NID2: variants seen among roughly 807,000 people sequenced by gnomAD.
The protein encoded by NID2 is nidogen 2, also known as nidogen-2.
A neutral mutation model predicts 145.4 loss-of-function variants in NID2; 83 were observed. The ratio of observed to expected loss-of-function variants is 0.57; its 90% CI spans 0.48 to 0.69. NID2 has a LOEUF of 0.69. Among genes scored for constraint, NID2 ranks in the 30% least tolerant of loss-of-function variants. The probability of loss-of-function intolerance (pLI) is 0.00; values close to 1 mark genes in which losing one functional copy is unlikely to be tolerated. For missense variants in NID2, 1,807 were observed against 1,765.7 expected (o/e 1.02, Z -0.42); for synonymous variants, 739 against 701.3 (o/e 1.05, Z -0.85).
At chr14:52,006,000 ACCATTGCTCTAAAT>A (rs1320416126) in intron 20 of NID2, 151 bp from the exon 21 acceptor site, 16 of 627,520 alleles carry the variant, frequency 2.5e-5, no homozygotes, top group South Asian at 1.1e-4. Context: ...AAGTTTGAAG[ACCATTGCTCTAAAT>A]CCATTGCTCA....
chr14:52,010,590 T>TA, intron 18 of NID2: 1 of 274,984 alleles, frequency 3.6e-6, no homozygotes, highest in East Asian at 7.0e-5. Flanking sequence ...AGAGTAGCCC[T>TA]AGTTCTCACA....
At chr14:52,028,914 A>G in intron 10 of NID2, 64 bp from the exon 11 acceptor site, 1 of 1,551,164 alleles carries the variant, frequency 6.4e-7, no homozygotes, top group African/African-American at 1.4e-5. Flanking sequence ...GGAGGGTCTA[A>G]AAACTCAATG....
At position 52,005,800 on chromosome 14, in the gene NID2, A is replaced by G; in HGVS notation, c.4054T>C (p.Tyr1352His). The G allele has an allele frequency of 6.2e-7, 1 of 1,613,882 alleles. No homozygotes were observed. Among genetic ancestry groups the G allele is most frequent in the Non-Finnish European group, 8.5e-7 (1 of 1,179,792 alleles). Residue 1352 changes from tyrosine (Y) to histidine (H), a missense_variant, in exon 21 of 22, where the codon TAT (tyrosine) becomes CAT (histidine). Physicochemically the swap from Tyr to His is moderately conservative, Grantham distance 83 (BLOSUM62 2). Transcript: ENST00000216286. ...NKHSGQFTDE[Y>H]LPEQRSHLYG... The stretch of plus-strand genomic sequence containing the variant: ...AGGTGAGATCGTTGTTCTGGGAGAT[A>G]CTCATCAGTAAACTGGCCACTATGT...
rs1223263275 is a variant in NID2, at chr14:52,022,491, T to C, written c.2675-2313A>G. The stretch of plus-strand genomic sequence containing the variant: ...CAAGAGAGAAAACATGGAAAGACTT[T>C]CAGCCCCCTGGCAAGGGAGGAACTT... On this transcript the variant is annotated intron_variant, in intron 12 of 21. Transcript: ENST00000216286. Among the ~76,000 whole-genome samples, 7 of 152,138 alleles carry C rather than the reference T, an allele frequency of 4.6e-5. No homozygotes were observed. The East Asian group carries it at 1.4e-3, about 29-fold the overall frequency.
intron 9 of NID2, among the ~76,000 whole-genome samples, chr14:52,035,877 T>TATATATATATAC: frequency 7.0e-6 from 1 of 142,256 alleles, no homozygotes; most frequent in South Asian, 2.2e-4. Context: ...TATATATATA[T>TATATATATATAC]ATGTTTTATT....
intron 9 of NID2, among the ~76,000 whole-genome samples, chr14:52,032,070 C>G (rs1387260069): frequency 1.3e-5 from 2 of 152,226 alleles, no homozygotes; most frequent in Non-Finnish European, 2.9e-5. Flanking sequence ...CCCTACTGCC[C>G]ACGTTATGGC....
At chr14:52,049,455 G>T (rs2749884) in intron 5 of NID2, among the ~76,000 whole-genome samples, 1 of 36,462 alleles carries the variant, frequency 2.7e-5, no homozygotes. Flanking sequence ...GCCAGACACA[G>T]GGGAGGTTCC....
intron 11 of NID2, among the ~76,000 whole-genome samples, chr14:52,028,170 G>C (rs1891657645): frequency 6.6e-6 from 1 of 152,152 alleles, no homozygotes; most frequent in Admixed American, 6.5e-5. Flanking sequence ...TCCCAACTGA[G>C]GTGGGCATCC....
chr14:52,026,980 T>C (rs1566752405), intron 12 of NID2, among the ~76,000 whole-genome samples: 1 of 152,232 alleles, frequency 6.6e-6, no homozygotes, highest in African/African-American at 2.4e-5. Flanking sequence ...CAGGAACGTC[T>C]CCGCCAAGGA....
chr14:52,050,660 T>C (rs538800148), intron 5 of NID2, among the ~76,000 whole-genome samples: 93 of 152,324 alleles, frequency 6.1e-4, no homozygotes, highest in Admixed American at 2.4e-3. Context: ...GCTCAGGCTA[T>C]GCAGTGGTAC....
chr14:52,066,377 G>T (rs1435103299), intron 2 of NID2, among the ~76,000 whole-genome samples: 2 of 151,866 alleles, frequency 1.3e-5, no homozygotes, highest in Non-Finnish European at 2.9e-5. Context: ...GCACAACAGG[G>T]TGACTATAAC....
Position 52,015,254 on chromosome 14 carries a change from G to C in NID2, c.3050C>G (p.Thr1017Ser). The C allele has an allele frequency of 1.9e-6, 3 of 1,611,924 alleles. No individual in the cohort carries two copies. The highest frequency in any genetic ancestry group is 4.5e-5 in the East Asian group (2 of 44,802). The change falls in exon 15 of 22, where the codon ACC (threonine) becomes AGC (serine). Residue 1017 changes from threonine to serine, a missense_variant. Transcript: ENST00000216286. The stretch of plus-strand genomic sequence containing the variant: ...GTTTTCCCTCCAGCGCTCACAGATG[G>C]TCGGGGGCCTCTGGGTGGGCTCTGA... ...PSPEPTQRPP[T>S]ICERWRENLL...
chr14:52,030,572 G>GAAAAAAAAGA (rs1566755659), intron 9 of NID2, among the ~76,000 whole-genome samples: 5 of 73,486 alleles, frequency 6.8e-5, no homozygotes, highest in African/African-American at 2.7e-4. Context: ...AAGAAAGGAA[G>GAAAAAAAAGA]GAAGGGAAAG....
In NID2 at chr14:52,005,449, G is replaced by T; in HGVS notation, c.*37C>A. 2 of 1,561,818 alleles carry T rather than the reference G, an allele frequency of 1.3e-6. No individual in the cohort carries two copies. Among genetic ancestry groups the T allele is most frequent in the Non-Finnish European group, 1.7e-6 (2 of 1,158,136 alleles). On this transcript the variant is annotated 3_prime_UTR_variant, in exon 22 of 22. Transcript: ENST00000216286. The stretch of plus-strand genomic sequence containing the variant: ...CACTGTTCTTTAGGGTCCAGGTTCT[G>T]ATTGTAAACTCCAAGTCTTCCTTTA...
chr14:52,028,699 A>G lies in NID2; in HGVS notation c.2530+23T>C, dbSNP rs200780808. ...TTAAAGAGCACCATTTTGGCCACAC[A>G]GGAAAATGATTTTGGAACTCACAGA... On this transcript the variant is annotated intron_variant, in intron 11 of 21. Transcript: ENST00000216286. The G allele has an allele frequency of 9.9e-6, 16 of 1,608,280 alleles. No individual in the cohort carries two copies. The African/African-American group carries it at 2.1e-4, about 22-fold the overall frequency.
At chr14:52,048,385 C>G (rs1183647092) in intron 5 of NID2, among the ~76,000 whole-genome samples, 1 of 152,180 alleles carries the variant, frequency 6.6e-6, no homozygotes, top group Non-Finnish European at 1.5e-5. Flanking sequence ...GACCTCCGGC[C>G]AACGTGACTG....
At chr14:52,014,154 G>A (rs1566743681) in intron 16 of NID2, 133 bp downstream of exon 16, 2 of 1,149,380 alleles carry the variant, frequency 1.7e-6, no homozygotes, top group Non-Finnish European at 2.6e-6. Flanking sequence ...TCGGGCCCAT[G>A]CCGATGGGCT....
In NID2 at chr14:52,012,605, A is replaced by G. The variant is rs74641066; in HGVS notation, c.3421-922T>C. Reference sequence around the variant, plus strand: ...ACAGAGCTACACCCTGTCTCAAAAGAAGGAAAAAATCTAATTTATTGGGTT... The same window carrying G: ...ACAGAGCTACACCCTGTCTCAAAAGGAGGAAAAAATCTAATTTATTGGGTT... On this transcript the variant is annotated intron_variant, in intron 16 of 21. Coordinates refer to ENST00000216286, the MANE Select transcript of NID2 (RefSeq NM_007361.4). Among the ~76,000 whole-genome samples the G allele has an allele frequency of 4.5e-3, 689 of 152,262 alleles. 6 individuals carry two copies. Among genetic ancestry groups the G allele is most frequent in the African/African-American group, 0.016 (659 of 41,534 alleles).
chr14:52,024,367 G>T (rs1235179705), intron 12 of NID2, among the ~76,000 whole-genome samples: 6 of 152,336 alleles, frequency 3.9e-5, no homozygotes, highest in African/African-American at 1.4e-4. Context: ...TGTTAGAGAG[G>T]CCCAAGTGGC....
Sources: gnomAD v4.1 joint callset for allele counts (sites outside exome capture counted in the v4.1 genomes callset) on GRCh38, gnomAD v4.1.1 for gene constraint, MANE v1.5 for transcripts, NCBI Gene and HGNC (gene_info 2026-07-23, HGNC 2026-07-21) for gene names.